The following LINGO2 variants were observed in gnomAD, a reference collection of about 807,000 sequenced individuals.
The protein encoded by LINGO2 is leucine-rich repeat and immunoglobulin-like domain-containing nogo receptor-interacting protein 2.
LINGO2 carries 14 observed loss-of-function variants against 30.6 expected under a neutral mutation model. The ratio of observed to expected loss-of-function variants is 0.46; its 90% CI spans 0.30 to 0.72. LINGO2 has a LOEUF of 0.72. Ranked by LOEUF, LINGO2 falls within the 30% of genes least tolerant of loss-of-function variation. LINGO2 has a pLI of 0.07. For missense variants in LINGO2, 729 were observed against 751.7 expected (o/e 0.97, Z 0.35); for synonymous variants, 317 against 288.5 (o/e 1.10, Z -1.00).
At chr9:29,108,309 A>C in the LINGO2 span, among the ~76,000 whole-genome samples, 2 of 152,302 alleles carry the variant, frequency 1.3e-5, no homozygotes, top group East Asian at 3.9e-4. Flanking sequence ...AGATAACTAG[A>C]ATGCAGAAAC....
At chr9:28,139,685 T>A (rs1827620319) in intron 4 of LINGO2, among the ~76,000 whole-genome samples, 2 of 152,122 alleles carry the variant, frequency 1.3e-5, no homozygotes, top group South Asian at 4.1e-4. Flanking sequence ...TTACAAAAAT[T>A]GCTTATGAAA....
chr9:29,128,975 AAAG>A, the LINGO2 span, among the ~76,000 whole-genome samples: 2 of 152,154 alleles, frequency 1.3e-5, no homozygotes, highest in East Asian at 3.8e-4. Context: ...TAAAATTAAA[AAAG>A]AAATGTCTTT....
At chr9:28,794,456 G>A in the LINGO2 span, among the ~76,000 whole-genome samples, 7 of 152,304 alleles carry the variant, frequency 4.6e-5, no homozygotes, top group East Asian at 1.2e-3. Context: ...ATGCAAGCAA[G>A]GATGAGGTTT....
chr9:28,527,651 G>A (rs192485514), intron 1 of LINGO2, among the ~76,000 whole-genome samples: 2 of 152,120 alleles, frequency 1.3e-5, no homozygotes, highest in African/African-American at 4.8e-5. Flanking sequence ...CACTGCCCCA[G>A]TGTGGACGAC....
At chr9:28,324,741 C>T (rs1349204474) in intron 3 of LINGO2, among the ~76,000 whole-genome samples, 3 of 152,098 alleles carry the variant, frequency 2.0e-5, no homozygotes, top group Admixed American at 6.5e-5. Flanking sequence ...ATTGGCCACC[C>T]CTTCCCCAGA....
At chr9:28,066,045 A>T (rs962016611) in intron 4 of LINGO2, among the ~76,000 whole-genome samples, 1 of 152,086 alleles carries the variant, frequency 6.6e-6, no homozygotes, top group Non-Finnish European at 1.5e-5. Flanking sequence ...GCCAAAAAAA[A>T]GCACATTAGA....
intron 4 of LINGO2, among the ~76,000 whole-genome samples, chr9:28,278,470 G>A (rs928441033): frequency 6.6e-6 from 1 of 152,132 alleles, no homozygotes; most frequent in Non-Finnish European, 1.5e-5. Flanking sequence ...AATGCAGCTG[G>A]TGACTTTAAG....
intron 4 of LINGO2, among the ~76,000 whole-genome samples, chr9:28,023,731 C>T (rs1823245754): frequency 6.6e-6 from 1 of 152,170 alleles, no homozygotes. Context: ...GGTAACTCTT[C>T]TTCTTCTCCC....
chr9:28,077,720 C>A (rs1018614927), intron 4 of LINGO2, among the ~76,000 whole-genome samples: 4 of 148,394 alleles, frequency 2.7e-5, no homozygotes, highest in Admixed American at 6.6e-5. Context: ...AAACCAAAAC[C>A]CACTCCAATG....
At chr9:28,963,556 A>ACT in the LINGO2 span, among the ~76,000 whole-genome samples, 1,018 of 151,576 alleles carry the variant, frequency 6.7e-3, 13 homozygotes, top group African/African-American at 0.023. Flanking sequence ...ACACACACAC[A>ACT]CACACACACA....
intron 4 of LINGO2, among the ~76,000 whole-genome samples, chr9:28,044,876 A>C (rs1291907829): frequency 6.6e-6 from 1 of 152,148 alleles, no homozygotes; most frequent in African/African-American, 2.4e-5. Flanking sequence ...CTGTACTTAG[A>C]AAATTTCACC....
intron 1 of LINGO2, among the ~76,000 whole-genome samples, chr9:28,481,458 C>T (rs1326597124): frequency 6.6e-6 from 1 of 152,000 alleles, no homozygotes. Context: ...TCTCTGAAGA[C>T]AGATTTGTGC....
At chr9:28,051,299 T>C (rs938134726) in intron 4 of LINGO2, among the ~76,000 whole-genome samples, 2 of 152,070 alleles carry the variant, frequency 1.3e-5, no homozygotes, top group Non-Finnish European at 2.9e-5. Context: ...ATAAAACATA[T>C]GACAAATCCC....
At chr9:29,016,408 C>T in the LINGO2 span, among the ~76,000 whole-genome samples, 5 of 152,118 alleles carry the variant, frequency 3.3e-5, no homozygotes, top group African/African-American at 1.2e-4. Flanking sequence ...TCATCTTTCA[C>T]AGTGTATACA....
chr9:28,959,606 T>A, the LINGO2 span, among the ~76,000 whole-genome samples: 1 of 137,904 alleles, frequency 7.3e-6, no homozygotes, highest in African/African-American at 2.9e-5. Context: ...TCTCTCTCTC[T>A]CTCCCTCACA....
intron 4 of LINGO2, among the ~76,000 whole-genome samples, chr9:28,027,929 A>G (rs1164176850): frequency 6.6e-6 from 1 of 152,154 alleles, no homozygotes; most frequent in East Asian, 1.9e-4. Flanking sequence ...AAAAGTATAT[A>G]GGAGTGGTGG....
At chr9:28,648,852 C>T (rs1187517682) in intron 1 of LINGO2, among the ~76,000 whole-genome samples, 1 of 152,154 alleles carries the variant, frequency 6.6e-6, no homozygotes, top group African/African-American at 2.4e-5. Context: ...CAGAATGTAC[C>T]TTCTGTTGGC....
intron 1 of LINGO2, among the ~76,000 whole-genome samples, chr9:28,558,204 T>G (rs1822853228): frequency 6.6e-6 from 1 of 151,890 alleles, no homozygotes; most frequent in Admixed American, 6.6e-5. Flanking sequence ...TGAACCCATT[T>G]TTCACTATGA....
the LINGO2 span, among the ~76,000 whole-genome samples, chr9:28,782,214 A>G: frequency 6.6e-6 from 1 of 152,194 alleles, no homozygotes; most frequent in East Asian, 1.9e-4. Context: ...TGACTCTTCA[A>G]TGGAGTCCTT....
Sources: allele counts gnomAD v4.1 joint callset (sites outside exome capture counted in the v4.1 genomes callset), GRCh38; gene constraint gnomAD v4.1.1; transcripts MANE v1.5; gene names NCBI Gene and HGNC (gene_info 2026-07-23, HGNC 2026-07-21).